The following SLC20A2 variants were observed in gnomAD, a reference collection of about 807,000 sequenced individuals.
The protein encoded by SLC20A2 is sodium-dependent phosphate transporter 2.
Under a neutral mutation model 61.0 loss-of-function variants are expected in SLC20A2, and 30 were observed. The observed-to-expected ratio is 0.49, with a 90% confidence interval of 0.37 to 0.67. SLC20A2 has a LOEUF of 0.67. Ranked by LOEUF, SLC20A2 falls within the 30% of genes least tolerant of loss-of-function variation. The probability of loss-of-function intolerance (pLI) is 0.00; values close to 1 mark genes in which losing one functional copy is unlikely to be tolerated. For missense variants in SLC20A2, 626 were observed against 866.4 expected (o/e 0.72, Z 3.48); for synonymous variants, 351 against 353.3 (o/e 0.99, Z 0.07).
intron 1 of SLC20A2, among the ~76,000 whole-genome samples, chr8:42,491,138 G>A (rs920321260): frequency 1.3e-5 from 2 of 152,144 alleles, no homozygotes; most frequent in South Asian, 4.1e-4. Flanking sequence ...GGTGGCTCAC[G>A]CCTGTAATCC....
intron 1 of SLC20A2, chr8:42,480,509 A>G (rs1808476738): frequency 6.6e-6 from 1 of 152,184 alleles, no homozygotes; most frequent in Non-Finnish European, 1.5e-5. Context: ...CTCCAGGCTT[A>G]CTACCTACGA....
rs529267713 is a variant in SLC20A2, at chr8:42,526,652, G to A, written c.-265+15169C>T. Among the ~76,000 whole-genome samples the A allele has an allele frequency of 7.9e-5, 11 of 138,370 alleles. No individual in the cohort carries two copies. In the East Asian group the frequency reaches 8.3e-4, roughly 10 times the overall value. The allele number at this position is 138,370 out of a possible 152,430, so 90.8% of individuals were successfully genotyped here. A position where few individuals can be genotyped will look rare whatever the true frequency, so the allele number is the denominator to read the frequency against. On this transcript the variant is annotated intron_variant, in intron 1 of 10. Transcript: ENST00000342228. ...CGCGCCACTGCACCCCAGCCTGGGCGACAGAGAGAGACTCTGTCTCAAAAA... is the reference window on the plus strand; with the variant it reads ...CGCGCCACTGCACCCCAGCCTGGGCAACAGAGAGAGACTCTGTCTCAAAAA...
chr8:42,422,706 G>A (rs943214754), intron 10 of SLC20A2, among the ~76,000 whole-genome samples: 1 of 152,052 alleles, frequency 6.6e-6, no homozygotes, highest in Non-Finnish European at 1.5e-5. Context: ...ATTGTTCTGG[G>A]TCAGATTTTC....
chr8:42,475,999 GT>G (rs982326100), intron 1 of SLC20A2, among the ~76,000 whole-genome samples: 5 of 144,754 alleles, frequency 3.5e-5, no homozygotes, highest in African/African-American at 7.6e-5. Flanking sequence ...CTTTTGCATT[GT>G]TTTTAGTTTT....
chr8:42,490,033 C>A (rs1053057857), intron 1 of SLC20A2, among the ~76,000 whole-genome samples: 1 of 152,112 alleles, frequency 6.6e-6, no homozygotes, highest in Non-Finnish European at 1.5e-5. Context: ...GAAAAATATA[C>A]TTTTATATCT....
chr8:42,511,708 G>A (rs986668619), intron 1 of SLC20A2, among the ~76,000 whole-genome samples: 1 of 151,808 alleles, frequency 6.6e-6, no homozygotes, highest in African/African-American at 2.4e-5. Flanking sequence ...TTTATAAGAG[G>A]ATCTAGTTGC....
chr8:42,477,622 C>A (rs1183603090), intron 1 of SLC20A2, among the ~76,000 whole-genome samples: 1 of 151,708 alleles, frequency 6.6e-6, no homozygotes, highest in Non-Finnish European at 1.5e-5. Flanking sequence ...AGGCACGCAC[C>A]ACCATGTCCA....
chr8:42,501,519 A>T (rs899726182), upstream of SLC20A2: 2 of 152,284 alleles, frequency 1.3e-5, no homozygotes, highest in Non-Finnish European at 2.9e-5. Flanking sequence ...CTTCACAAGC[A>T]AAAGCAAAGC....
chr8:42,490,544 C>T (rs567263337), intron 1 of SLC20A2, among the ~76,000 whole-genome samples: 216 of 152,258 alleles, frequency 1.4e-3, no homozygotes, highest in African/African-American at 4.9e-3. Context: ...TTGCAGTGAG[C>T]CAAGATCCTG....
intron 5 of SLC20A2, 131 bp from the exon 6 acceptor site, chr8:42,444,893 T>TA: frequency 1.6e-6 from 1 of 624,786 alleles, no homozygotes; most frequent in Non-Finnish European, 2.9e-6. Context: ...AACTCTCAAC[T>TA]AAAAAAACAT....
intron 10 of SLC20A2, among the ~76,000 whole-genome samples, chr8:42,423,317 A>G (rs1020679321): frequency 6.6e-6 from 1 of 150,508 alleles, no homozygotes; most frequent in Non-Finnish European, 1.5e-5. Context: ...CATGGTTAGC[A>G]CAACTTATCT....
chr8:42,416,933 G>C lies in SLC20A2; in HGVS notation c.*870C>G, dbSNP rs963655274. 1.3e-5 allele frequency: 2 copies of C among 152,794 alleles called. No homozygotes were observed. The highest frequency in any genetic ancestry group is 2.9e-5 in the Non-Finnish European group (2 of 68,118). The allele number at this position is 152,794 out of a possible 1,614,324, so 9.5% of individuals were successfully genotyped here. A position where few individuals can be genotyped will look rare whatever the true frequency, so the allele number is the denominator to read the frequency against. On this transcript the variant is annotated 3_prime_UTR_variant, in exon 11 of 11. Coordinates refer to ENST00000520262, the MANE Select transcript of SLC20A2 (RefSeq NM_001257180.2). ...TGATGACAAGGAAAGGCCACTGCAA[G>C]GTGGGTGGGATCTGGGGTGTGGTGG... is the stretch of plus-strand genomic sequence containing the variant.
chr8:42,438,074 A>AAAAAAAAAAAAAAAAC, intron 7 of SLC20A2, among the ~76,000 whole-genome samples: 1 of 146,048 alleles, frequency 6.8e-6, no homozygotes, highest in Non-Finnish European at 1.5e-5. Flanking sequence ...AAAAAAAAAA[A>AAAAAAAAAAAAAAAAC]AAAAAAAAAA....
intron 1 of SLC20A2, among the ~76,000 whole-genome samples, chr8:42,513,293 C>T (rs1811128749): frequency 6.6e-6 from 1 of 152,106 alleles, no homozygotes. Flanking sequence ...TGGAACAATC[C>T]ACTGGGCAGA....
chr8:42,482,521 G>A (rs893956461), intron 1 of SLC20A2, among the ~76,000 whole-genome samples: 1 of 152,118 alleles, frequency 6.6e-6, no homozygotes, highest in Admixed American at 6.6e-5. Context: ...CGTCAAGGTG[G>A]GCGGATCACT....
At chr8:42,476,303 C>G (rs1211518519) in intron 1 of SLC20A2, among the ~76,000 whole-genome samples, 1 of 151,826 alleles carries the variant, frequency 6.6e-6, no homozygotes, top group Non-Finnish European at 1.5e-5. Flanking sequence ...CGGGGTTTCA[C>G]CGTGTTAGCC....
At chr8:42,514,758 A>G (rs74466338) in intron 1 of SLC20A2, among the ~76,000 whole-genome samples, 1 of 146,316 alleles carries the variant, frequency 6.8e-6, no homozygotes, top group Non-Finnish European at 1.5e-5. Context: ...ACTCTGTTTG[A>G]AAAAAAAAAA....
At chr8:42,452,061 G>T (rs543818024) in intron 5 of SLC20A2, among the ~76,000 whole-genome samples, 8 of 122,478 alleles carry the variant, frequency 6.5e-5, no homozygotes, top group African/African-American at 2.9e-4. Flanking sequence ...AAGAGATGAA[G>T]AGGAGGGGGA....
intron 8 of SLC20A2, among the ~76,000 whole-genome samples, chr8:42,432,210 T>A (rs1171076374): frequency 6.6e-6 from 1 of 152,184 alleles, no homozygotes. Flanking sequence ...AATACCAACA[T>A]TAACAGGAGT....
Sources: allele counts gnomAD v4.1 joint callset (sites outside exome capture counted in the v4.1 genomes callset), GRCh38; gene constraint gnomAD v4.1.1; transcripts MANE v1.5; gene names NCBI Gene and HGNC (gene_info 2026-07-23, HGNC 2026-07-21).